Variants in ANKRD30B observed in about 807,000 individuals in gnomAD.
ANKRD30B encodes ankyrin repeat domain 30B, also known as ankyrin repeat domain-containing protein 30B.
ANKRD30B carries 144 observed loss-of-function variants against 202.2 expected under a neutral mutation model. That is an observed-to-expected ratio of 0.71 (90% CI 0.62 to 0.82). The LOEUF (loss-of-function observed/expected upper bound fraction) is 0.82. ANKRD30B is among the 40% of genes least tolerant of loss of function. ANKRD30B has a pLI of 0.00. For synonymous variants in ANKRD30B, 508 were observed against 561.3 expected (o/e 0.91, Z 1.34); for missense variants, 1,487 against 1,669.1 (o/e 0.89, Z 1.90).
At chr18:14,757,443 A>G (rs1914546726) in intron 4 of ANKRD30B, among the ~76,000 whole-genome samples, 1 of 152,216 alleles carries the variant, frequency 6.6e-6, no homozygotes, top group Non-Finnish European at 1.5e-5. Flanking sequence ...TATTCCTAAT[A>G]TTGTTTTAAG....
intron 1 of ANKRD30B, among the ~76,000 whole-genome samples, chr18:14,750,736 C>T (rs1913292620): frequency 6.6e-6 from 1 of 152,000 alleles, no homozygotes; most frequent in African/African-American, 2.4e-5. Flanking sequence ...TATGTGACCA[C>T]TCAAGGTAGA....
downstream of ANKRD30B, among the ~76,000 whole-genome samples, chr18:14,858,757 A>C (rs1170593990): frequency 7.0e-6 from 1 of 143,418 alleles, no homozygotes; most frequent in Admixed American, 6.8e-5. Context: ...CTCACCTCCC[A>C]GGGGGGGCAG....
At chr18:14,849,329 A>G (rs1971789769) in intron 40 of ANKRD30B, among the ~76,000 whole-genome samples, 1 of 151,796 alleles carries the variant, frequency 6.6e-6, no homozygotes, top group African/African-American at 2.4e-5. Context: ...GAATTTTTAA[A>G]AAGTTCTTTG....
At chr18:14,914,577 G>A in the ANKRD30B span, among the ~76,000 whole-genome samples, 233 of 152,332 alleles carry the variant, frequency 1.5e-3, no homozygotes, top group African/African-American at 5.3e-3. Context: ...AAGAATTGTG[G>A]TGGAGACAGA....
chr18:14,821,296 G>C (rs1970408693), intron 30 of ANKRD30B, among the ~76,000 whole-genome samples: 1 of 151,446 alleles, frequency 6.6e-6, no homozygotes, highest in Non-Finnish European at 1.5e-5. Context: ...CAATTTTGTT[G>C]ATCCTTTCAA....
intron 7 of ANKRD30B, among the ~76,000 whole-genome samples, chr18:14,764,702 G>A (rs1246736335): frequency 6.6e-6 from 1 of 151,984 alleles, no homozygotes; most frequent in African/African-American, 2.4e-5. Flanking sequence ...TCCCACTTTT[G>A]GTTGGCTAAT....
At chr18:14,856,772 T>C (rs1972119906), downstream of ANKRD30B, among the ~76,000 whole-genome samples, 3 of 112,982 alleles carry the variant, frequency 2.7e-5, no homozygotes, top group East Asian at 2.5e-4. Flanking sequence ...GGGTGGGAGC[T>C]GGGCAGAGGC....
At chr18:14,840,117 T>A (rs1202899064) in intron 36 of ANKRD30B, among the ~76,000 whole-genome samples, 1 of 152,246 alleles carries the variant, frequency 6.6e-6, no homozygotes, top group Admixed American at 6.5e-5. Context: ...AGGTTTTCTC[T>A]TGAAATGTTT....
downstream of ANKRD30B, among the ~76,000 whole-genome samples, chr18:14,855,637 C>G (rs1972066875): frequency 6.7e-6 from 1 of 148,720 alleles, no homozygotes; most frequent in Non-Finnish European, 1.5e-5. Flanking sequence ...GAAGGGCAGC[C>G]AGGCAGAGGC....
Position 14,797,819 on chromosome 18 carries a change from C to G in ANKRD30B, c.1994C>G (p.Ala665Gly). 6.4e-7 allele frequency: 1 copy of G among 1,551,896 alleles called. No homozygotes were observed. Among genetic ancestry groups the G allele is most frequent in the Non-Finnish European group, 8.7e-7 (1 of 1,147,474 alleles). ...CGRKVSLPNK[A>G]LELKDRETLK... is the part of the protein sequence containing the mutation. ...AGGAAAGTTTCTCTTCCAAATAAAG[C>G]CTTAGAATTAAAGGACAGAGAAACA... The change falls in exon 20 of 44, where the codon GCC becomes GGC. Residue 665 changes from alanine to glycine, a missense_variant. Physicochemically the swap from Ala to Gly is moderately conservative, Grantham distance 60. Transcript: ENST00000690538.
intron 5 of ANKRD30B, 126 bp downstream of exon 5, chr18:14,758,078 G>A: frequency 2.0e-6 from 2 of 1,009,842 alleles, no homozygotes; most frequent in Non-Finnish European, 2.9e-6. Flanking sequence ...GTTAGAAGGA[G>A]TACTGGGTCC....
intron 36 of ANKRD30B, among the ~76,000 whole-genome samples, 198 bp downstream of exon 36, chr18:14,837,874 G>A (rs1035394293): frequency 1.2e-4 from 18 of 152,204 alleles, no homozygotes; most frequent in African/African-American, 3.9e-4. Flanking sequence ...AATTTAGCTG[G>A]GCATGGTGGC....
intron 7 of ANKRD30B, among the ~76,000 whole-genome samples, chr18:14,767,628 A>G (rs1414945966): frequency 6.6e-6 from 1 of 152,152 alleles, no homozygotes; most frequent in Non-Finnish European, 1.5e-5. Context: ...ACATATCAGA[A>G]GGTGGATCAT....
chr18:14,752,931 C>G lies in ANKRD30B; in HGVS notation c.429C>G (p.Leu143=). ...TAGATGTGTATGGCAACACGGCTCT[C>G]CATTATGCCGTTTATAGTGAGAATT... ...NYVDVYGNTA[L]HYAVYSENLL... is the part of the protein sequence containing the mutation. The change falls in exon 3 of 44, where the codon CTC becomes CTG. Residue 143 remains leucine (L), a synonymous_variant. Transcript: ENST00000690538. The G allele has an allele frequency of 6.2e-7, 1 of 1,604,148 alleles. No individual in the cohort carries two copies. Among genetic ancestry groups the G allele is most frequent in the Non-Finnish European group, 8.5e-7 (1 of 1,174,646 alleles).
the ANKRD30B span, among the ~76,000 whole-genome samples, chr18:14,865,028 C>A: frequency 7.9e-5 from 12 of 151,812 alleles, no homozygotes; most frequent in South Asian, 2.3e-3. Flanking sequence ...CTACCCCGAA[C>A]TATTTTCCCC....
chr18:14,890,624 T>C, the ANKRD30B span, among the ~76,000 whole-genome samples: 1 of 150,834 alleles, frequency 6.6e-6, no homozygotes, highest in Non-Finnish European at 1.5e-5. Flanking sequence ...CTCTTAATCA[T>C]TATATAATTA....
At position 14,837,246 on chromosome 18, in the gene ANKRD30B, A is replaced by G. The variant is rs538640289; in HGVS notation, c.2883A>G (p.Glu961=). The G allele has an allele frequency of 1.3e-6, 2 of 1,549,648 alleles. No homozygotes were observed. Among genetic ancestry groups the G allele is most frequent in the South Asian group, 1.2e-5 (1 of 83,550 alleles). Residue 961 remains glutamate, a synonymous_variant, in exon 35 of 44, where the codon GAA becomes GAG. Transcript: ENST00000690538. ...GATKTVTGQQ[E]RDIGIIERAP... is the part of the protein sequence containing the mutation. Reference sequence around the variant, plus strand: ...CAAAGACAGTAACTGGACAACAGGAACGTGATATTGGCATTATTGAACGAG... The same window carrying G: ...CAAAGACAGTAACTGGACAACAGGAGCGTGATATTGGCATTATTGAACGAG...
chr18:14,867,438 G>A, the ANKRD30B span, among the ~76,000 whole-genome samples: 2 of 152,126 alleles, frequency 1.3e-5, no homozygotes, highest in East Asian at 1.9e-4. Context: ...TGGACTCAAG[G>A]TTCTAGAGGG....
At position 14,755,015 on chromosome 18, in the gene ANKRD30B, T is replaced by C; in HGVS notation, c.617+10T>C. ...TTAATGAGTCTAAATGGTATGGTAG[T>C]TCTTTTTTTTTACTAAAAAACACTT... is the stretch of plus-strand genomic sequence containing the variant. On this transcript the variant is annotated intron_variant, in intron 4 of 43. Coordinates refer to ENST00000690538, the MANE Select transcript of ANKRD30B (RefSeq NM_001367607.2). 3 of 1,415,090 alleles carry C rather than the reference T, an allele frequency of 2.1e-6. No individual in the cohort carries two copies. Among genetic ancestry groups the C allele is most frequent in the Admixed American group, 3.1e-5 (1 of 32,776 alleles). 87.7% of individuals were successfully genotyped at this position (1,415,090 alleles called of 1,614,324 possible).
Sources: allele counts gnomAD v4.1 joint callset (sites outside exome capture counted in the v4.1 genomes callset), GRCh38; gene constraint gnomAD v4.1.1; transcripts MANE v1.5; gene names NCBI Gene and HGNC (gene_info 2026-07-23, HGNC 2026-07-21).